The following TMEM135 variants were observed in gnomAD, a reference collection of about 807,000 sequenced individuals.
TMEM135 encodes peroxisomal membrane protein 52.
Under a neutral mutation model 60.3 loss-of-function variants are expected in TMEM135, and 30 were observed. The ratio of observed to expected loss-of-function variants is 0.50; its 90% CI spans 0.37 to 0.68. The LOEUF (loss-of-function observed/expected upper bound fraction) is 0.68, where lower values mean the gene tolerates loss of function less well. TMEM135 is among the 30% of genes least tolerant of loss of function. The probability of loss-of-function intolerance (pLI) is 0.00; values close to 1 mark genes in which losing one functional copy is unlikely to be tolerated. For missense variants in TMEM135, 468 were observed against 548.8 expected (o/e 0.85, Z 1.47); for synonymous variants, 190 against 186.7 (o/e 1.02, Z -0.14).
intron 4 of TMEM135, among the ~76,000 whole-genome samples, chr11:87,114,785 C>A (rs1857837178): frequency 6.6e-6 from 1 of 152,158 alleles, no homozygotes; most frequent in Admixed American, 6.6e-5. Context: ...ATTGGCACTG[C>A]CTGAGAACTG....
chr11:87,116,944 T>C (rs113440657), intron 4 of TMEM135, among the ~76,000 whole-genome samples: 1 of 151,990 alleles, frequency 6.6e-6, no homozygotes, highest in African/African-American at 2.4e-5. Context: ...TGCCTCAGCC[T>C]CCTGAGTAGC....
chr11:87,119,451 G>A (rs915563226), intron 4 of TMEM135, among the ~76,000 whole-genome samples: 2 of 152,134 alleles, frequency 1.3e-5, no homozygotes, highest in African/African-American at 4.8e-5. Context: ...GCGTGTAATC[G>A]CAGCACTTTG....
intron 5 of TMEM135, among the ~76,000 whole-genome samples, chr11:87,217,515 G>T (rs1298960824): frequency 1.3e-5 from 2 of 152,198 alleles, no homozygotes; most frequent in African/African-American, 4.8e-5. Flanking sequence ...GCCGGGTGCG[G>T]TGGCTCCTGC....
intron 6 of TMEM135, among the ~76,000 whole-genome samples, chr11:87,264,568 G>C (rs372463801): frequency 1.6e-4 from 24 of 151,862 alleles, no homozygotes; most frequent in African/African-American, 5.3e-4. Flanking sequence ...ATCATGAATT[G>C]ATCACTTTTT....
chr11:87,045,648 C>A (rs1004398501), intron 1 of TMEM135, among the ~76,000 whole-genome samples: 1 of 152,218 alleles, frequency 6.6e-6, no homozygotes, highest in African/African-American at 2.4e-5. Context: ...AGATTGCCTT[C>A]ATATCCAACT....
At chr11:87,205,328 C>T (rs1940210658) in intron 5 of TMEM135, among the ~76,000 whole-genome samples, 1 of 152,038 alleles carries the variant, frequency 6.6e-6, no homozygotes, top group South Asian at 2.1e-4. Flanking sequence ...TTTTAGTAGG[C>T]AATAAGGAGC....
At position 87,323,597 on chromosome 11, in the gene TMEM135, C is replaced by T; in HGVS notation, c.*2264C>T. 1 of 453,724 alleles carries T rather than the reference C, an allele frequency of 2.2e-6. No individual in the cohort carries two copies. The highest frequency in any genetic ancestry group is 4.4e-6 in the Non-Finnish European group (1 of 226,674). 28.1% of individuals were successfully genotyped at this position (453,724 alleles called of 1,614,324 possible). On this transcript the variant is annotated 3_prime_UTR_variant, in exon 15 of 15. Coordinates refer to ENST00000305494, the MANE Select transcript of TMEM135 (RefSeq NM_022918.4). ...TTTCACTGGAACTGATTACAGTAAACAATAATATGTCCCCTTAGTCTTTCT... is the reference window on the plus strand; with the variant it reads ...TTTCACTGGAACTGATTACAGTAAATAATAATATGTCCCCTTAGTCTTTCT...
At chr11:87,158,373 G>A (rs1938762204) in intron 5 of TMEM135, among the ~76,000 whole-genome samples, 2 of 152,004 alleles carry the variant, frequency 1.3e-5, no homozygotes, top group South Asian at 4.1e-4. Flanking sequence ...GTTGGTTGAT[G>A]TATTTGCTCA....
intron 1 of TMEM135, among the ~76,000 whole-genome samples, chr11:87,064,622 C>T (rs960564390): frequency 6.6e-6 from 1 of 152,210 alleles, no homozygotes; most frequent in Non-Finnish European, 1.5e-5. Flanking sequence ...GTGGCTCACG[C>T]CTGTAATCCC....
At chr11:87,229,840 A>G (rs931185951) in intron 5 of TMEM135, among the ~76,000 whole-genome samples, 2 of 152,166 alleles carry the variant, frequency 1.3e-5, no homozygotes, top group African/African-American at 4.8e-5. Context: ...CAAAAGTCTT[A>G]GAAGGGAACT....
intron 1 of TMEM135, among the ~76,000 whole-genome samples, chr11:87,052,756 C>A (rs1288413045): frequency 1.0e-5 from 1 of 100,216 alleles, no homozygotes. Flanking sequence ...GTCAGTGTGG[C>A]GATTCCTCAG....
At chr11:87,054,347 A>G (rs993419314) in intron 1 of TMEM135, among the ~76,000 whole-genome samples, 1 of 152,208 alleles carries the variant, frequency 6.6e-6, no homozygotes, top group Non-Finnish European at 1.5e-5. Flanking sequence ...AGGCAAGAGA[A>G]TCACTGGAGC....
At chr11:87,090,148 C>T (rs1370666868) in intron 3 of TMEM135, among the ~76,000 whole-genome samples, 5 of 151,964 alleles carry the variant, frequency 3.3e-5, no homozygotes, top group Non-Finnish European at 5.9e-5. Flanking sequence ...TCCTATATCC[C>T]CTTCCCCTTT....
chr11:87,262,019 A>G (rs1002611629), intron 6 of TMEM135, among the ~76,000 whole-genome samples: 1 of 152,180 alleles, frequency 6.6e-6, no homozygotes, highest in Non-Finnish European at 1.5e-5. Context: ...TTTCTATTTA[A>G]TAATGCATCT....
chr11:87,191,213 T>C (rs932206899), intron 5 of TMEM135, among the ~76,000 whole-genome samples: 15 of 151,486 alleles, frequency 9.9e-5, no homozygotes, highest in African/African-American at 3.4e-4. Context: ...TCTCCTGATA[T>C]CAGAAGTCAC....
At chr11:87,084,247 A>G (rs1857050067) in intron 3 of TMEM135, among the ~76,000 whole-genome samples, 1 of 152,118 alleles carries the variant, frequency 6.6e-6, no homozygotes, top group Non-Finnish European at 1.5e-5. Context: ...CAGAACATTT[A>G]TGTTATTTAA....
chr11:87,294,089 G>C (rs1394668654), intron 6 of TMEM135, among the ~76,000 whole-genome samples: 3 of 152,120 alleles, frequency 2.0e-5, no homozygotes, highest in Non-Finnish European at 4.4e-5. Context: ...TTGTGGTTTT[G>C]ATTTGCATTT....
At chr11:87,154,471 A>G (rs1424949017) in intron 4 of TMEM135, among the ~76,000 whole-genome samples, 1 of 152,202 alleles carries the variant, frequency 6.6e-6, no homozygotes, top group Non-Finnish European at 1.5e-5. Context: ...GCCTACATTC[A>G]GTAGTTATGG....
intron 1 of TMEM135, among the ~76,000 whole-genome samples, chr11:87,041,121 C>G (rs1459400183): frequency 6.6e-6 from 1 of 152,148 alleles, no homozygotes; most frequent in Non-Finnish European, 1.5e-5. Context: ...TAACAACTTA[C>G]ATTTATTATG....
Sources: gnomAD v4.1 joint callset for allele counts (sites outside exome capture counted in the v4.1 genomes callset) on GRCh38, gnomAD v4.1.1 for gene constraint, MANE v1.5 for transcripts, NCBI Gene and HGNC (gene_info 2026-07-23, HGNC 2026-07-21) for gene names.